Variants in ARHGEF26 observed in about 807,000 individuals in gnomAD.
ARHGEF26 encodes Rho guanine nucleotide exchange factor (GEF) 26.
A neutral mutation model predicts 89.4 loss-of-function variants in ARHGEF26; 59 were observed. The observed-to-expected ratio is 0.66, with a 90% CI of 0.54 to 0.82. The LOEUF is 0.82. ARHGEF26 is among the 40% of genes least tolerant of loss of function. The pLI, the probability that ARHGEF26 is intolerant of heterozygous loss-of-function variation, is 0.00. For missense variants in ARHGEF26, 1,234 were observed against 1,085.6 expected, an observed-to-expected ratio of 1.14 and a Z score of -1.92; for synonymous variants, 500 against 428.4, an observed-to-expected ratio of 1.17 and a Z score of -2.06.
At chr3:154,182,024 G>T (rs1434932840) in intron 6 of ARHGEF26, among the ~76,000 whole-genome samples, 2 of 151,264 alleles carry the variant, frequency 1.3e-5, no homozygotes, top group African/African-American at 4.9e-5. Flanking sequence ...AGTCTGGGTG[G>T]GTGGGTGGTT....
rs1489480699 is a variant in ARHGEF26 at position 154,122,321 on chromosome 3, G to C, written c.329G>C (p.Arg110Pro). ...EYRAASPRLR[R>P]PKSPKLPKAV... ...AGGGCTGCCTCTCCTCGACTTCGAC[G>C]GCCCAAGTCACCCAAGCTCCCCAAA... Residue 110 changes from arginine (R) to proline (P), a missense_variant, in exon 2 of 15, where the codon CGG (arginine) becomes CCG (proline). By Grantham distance (103) the Arg-to-Pro change is moderately radical. Coordinates refer to ENST00000465093, the MANE Select transcript of ARHGEF26 (RefSeq NM_015595.4). The C allele has an allele frequency of 2.5e-6, 4 of 1,612,758 alleles. No individual in the cohort carries two copies. The highest frequency in any genetic ancestry group is 3.3e-5 in the Admixed American group (2 of 60,014).
chr3:154,240,651 A>C, intron 12 of ARHGEF26, 72 bp downstream of exon 12: 1 of 1,387,920 alleles, frequency 7.2e-7, no homozygotes, highest in Non-Finnish European at 9.7e-7. Flanking sequence ...TGGTTTACAG[A>C]CTTCCTAAAA....
At chr3:154,165,372 A>C (rs1711950119) in intron 6 of ARHGEF26, among the ~76,000 whole-genome samples, 1 of 152,182 alleles carries the variant, frequency 6.6e-6, no homozygotes, top group Non-Finnish European at 1.5e-5. Context: ...TCAGAGAGAG[A>C]GACACTAAGT....
In ARHGEF26 at chr3:154,152,910, G is replaced by C. The variant is rs1195593083; in HGVS notation, c.1465G>C (p.Asp489His). ...ERHHLFSNIT[D>H]VCEASKKFFI... is the part of the protein sequence containing the mutation. The stretch of plus-strand genomic sequence containing the variant: ...GCACCATCTTTTCTCCAATATTACA[G>C]ATGTCTGTGAGGCAAGCAAAAAGTA... The change falls in exon 6 of 15, where the codon GAT (aspartate) becomes CAT (histidine). Residue 489 changes from aspartate to histidine, a missense_variant. Coordinates refer to ENST00000465093, the MANE Select transcript of ARHGEF26 (RefSeq NM_015595.4). The C allele has an allele frequency of 6.3e-7, 1 of 1,595,044 alleles. No homozygotes were observed.
At chr3:154,229,008 C>T (rs1300905074) in intron 11 of ARHGEF26, among the ~76,000 whole-genome samples, 1 of 152,164 alleles carries the variant, frequency 6.6e-6, no homozygotes, top group African/African-American at 2.4e-5. Context: ...TACTCTTCCT[C>T]CTCCGATCCA....
intron 14 of ARHGEF26, 148 bp from the exon 15 acceptor site, chr3:154,255,183 C>A: frequency 2.5e-6 from 2 of 785,358 alleles, no homozygotes; most frequent in Non-Finnish European, 4.1e-6. Flanking sequence ...CATTCATTCC[C>A]CCTCGAAAGC....
At chr3:154,129,776 A>T in intron 4 of ARHGEF26, 57 bp downstream of exon 4, 1 of 1,544,272 alleles carries the variant, frequency 6.5e-7, no homozygotes. Flanking sequence ...TTTGGAAATT[A>T]TGTGTGGATT....
intron 10 of ARHGEF26, among the ~76,000 whole-genome samples, chr3:154,223,058 C>G (rs571599517): frequency 6.6e-6 from 1 of 152,302 alleles, no homozygotes; most frequent in African/African-American, 2.4e-5. Context: ...AAAGTTGCCT[C>G]TACAGAGTTG....
intron 11 of ARHGEF26, among the ~76,000 whole-genome samples, chr3:154,239,261 G>GGAGAGAGA (rs869046214): frequency 5.7e-5 from 6 of 105,572 alleles, no homozygotes; most frequent in Non-Finnish European, 1.1e-4. Context: ...AGAGAGAGAG[G>GGAGAGAGA]GAGAGAGAGA....
Position 154,152,865 on chromosome 3 carries a change from A to G in ARHGEF26, c.1420A>G (p.Thr474Ala). The stretch of plus-strand genomic sequence containing the variant: ...TAAAAATTCTAAAGAACTGAGTGAT[A>G]CAATGACTAAAACCGAGAGGCACCA... ...MFKNSKELSD[T>A]MTKTERHHLF... Residue 474 changes from threonine to alanine, a missense_variant, in exon 6 of 15, where the codon ACA becomes GCA. Transcript: ENST00000465093. 6.3e-7 allele frequency: 1 copy of G among 1,595,724 alleles called. No individual in the cohort carries two copies. Among genetic ancestry groups the G allele is most frequent in the East Asian group, 2.3e-5 (1 of 44,346 alleles).
chr3:154,238,898 C>T (rs1470888114), intron 11 of ARHGEF26, among the ~76,000 whole-genome samples: 1 of 151,872 alleles, frequency 6.6e-6, no homozygotes, highest in Non-Finnish European at 1.5e-5. Flanking sequence ...TATGCATGAA[C>T]AAGAGGACAT....
chr3:154,251,945 G>A (rs1718182065), intron 12 of ARHGEF26, among the ~76,000 whole-genome samples: 1 of 152,186 alleles, frequency 6.6e-6, no homozygotes, highest in South Asian at 2.1e-4. Flanking sequence ...TGTTATGTAT[G>A]TTAAGAAATT....
intron 9 of ARHGEF26, among the ~76,000 whole-genome samples, chr3:154,205,318 G>A (rs530929526): frequency 1.7e-4 from 26 of 152,020 alleles, no homozygotes; most frequent in African/African-American, 5.3e-4. Flanking sequence ...TATAAGTATA[G>A]CAACTCCTGT....
At chr3:154,247,248 G>A (rs955136483) in intron 12 of ARHGEF26, among the ~76,000 whole-genome samples, 5 of 151,990 alleles carry the variant, frequency 3.3e-5, no homozygotes, top group African/African-American at 1.2e-4. Flanking sequence ...AACACTGCCC[G>A]TGGCTTTCCC....
At chr3:154,221,172 G>T in intron 10 of ARHGEF26, among the ~76,000 whole-genome samples, 1 of 151,002 alleles carries the variant, frequency 6.6e-6, no homozygotes, top group East Asian at 1.9e-4. Context: ...CTAGAAAGTT[G>T]CAAATTAGAA....
chr3:154,128,002 G>A (rs745864189), intron 3 of ARHGEF26, among the ~76,000 whole-genome samples: 3 of 152,114 alleles, frequency 2.0e-5, no homozygotes, highest in Non-Finnish European at 4.4e-5. Flanking sequence ...TAGCTTCTCA[G>A]CTTTCAGACC....
At position 154,255,662 on chromosome 3, in the gene ARHGEF26, C is replaced by T; in HGVS notation, c.*189C>T. On this transcript the variant is annotated 3_prime_UTR_variant, in exon 15 of 15. Coordinates refer to ENST00000465093, the MANE Select transcript of ARHGEF26 (RefSeq NM_015595.4). Reference sequence around the variant, plus strand: ...GCTTGGATACAGTGAGTTTGCACAGCTCAGTTTTTACCTAACCACACACTT... The same window carrying T: ...GCTTGGATACAGTGAGTTTGCACAGTTCAGTTTTTACCTAACCACACACTT... 4 of 1,404,026 alleles carry T rather than the reference C, an allele frequency of 2.8e-6. No individual in the cohort carries two copies. Among genetic ancestry groups the T allele is most frequent in the Non-Finnish European group, 3.7e-6 (4 of 1,086,312 alleles). The allele number at this position is 1,404,026 out of a possible 1,614,324, so 87.0% of individuals were successfully genotyped here.
In ARHGEF26 at chr3:154,122,462, C is replaced by T. The variant is rs1718022161; in HGVS notation, c.470C>T (p.Thr157Ile). 2 of 1,612,194 alleles carry T rather than the reference C, an allele frequency of 1.2e-6. No homozygotes were observed. The highest frequency in any genetic ancestry group is 1.7e-5 in the Admixed American group (1 of 59,926). The part of the protein sequence containing the change: ...PRTPNAPAPC[T>I]PEEDLTGLTA... ...ACTCCTAACGCGCCCGCCCCCTGCA[C>T]CCCCGAGGAGGACCTTACTGGGTTG... is the stretch of plus-strand genomic sequence containing the variant. The change falls in exon 2 of 15, where the codon ACC becomes ATC. Residue 157 changes from threonine to isoleucine, a missense_variant. Transcript: ENST00000465093.
At chr3:154,232,621 GAAAAT>G (rs1024598262) in intron 11 of ARHGEF26, among the ~76,000 whole-genome samples, 1 of 151,928 alleles carries the variant, frequency 6.6e-6, no homozygotes, top group Non-Finnish European at 1.5e-5. Flanking sequence ...GTTCTGTTAA[GAAAAT>G]AAAAAAAATA....
Sources: gnomAD v4.1 joint callset for allele counts (sites outside exome capture counted in the v4.1 genomes callset) on GRCh38, gnomAD v4.1.1 for gene constraint, MANE v1.5 for transcripts, NCBI Gene and HGNC (gene_info 2026-07-23, HGNC 2026-07-21) for gene names.